The following IGF1 variants were observed in gnomAD, a reference collection of about 807,000 sequenced individuals.
IGF1 encodes insulin like growth factor 1.
Under a neutral mutation model 13.8 loss-of-function variants are expected in IGF1, and 4 were observed. The observed-to-expected ratio is 0.29, with a 90% CI of 0.14 to 0.66. The LOEUF (loss-of-function observed/expected upper bound fraction) is 0.66. IGF1 is among the 30% of genes least tolerant of loss of function. IGF1 has a pLI of 0.78. For synonymous variants in IGF1, 76 were observed against 72.6 expected (o/e 1.05, Z -0.23); for missense variants, 124 against 188.5 (o/e 0.66, Z 2.00).
Position 102,398,032 on chromosome 12 carries a change from A to G in IGF1, c.*4475T>C, listed in dbSNP as rs1873359012. 6.6e-6 allele frequency: 1 copy of G among 152,292 alleles called. No individual in the cohort carries two copies. The highest frequency in any genetic ancestry group is 1.5e-5 in the Non-Finnish European group (1 of 67,958). The allele number at this position is 152,292 out of a possible 1,614,324, so 9.4% of individuals were successfully genotyped here. On this transcript the variant is annotated 3_prime_UTR_variant, in exon 4 of 4. Coordinates refer to ENST00000337514, the MANE Select transcript of IGF1 (RefSeq NM_000618.5). Reference sequence around the variant, plus strand: ...TTCCTCATTCTGATATAAAAAAAGAAGAAAAGAACCAAGTCATTTTGAACA... The same window carrying G: ...TTCCTCATTCTGATATAAAAAAAGAGGAAAAGAACCAAGTCATTTTGAACA...
intron 1 of IGF1, 115 bp from the exon 2 acceptor site, chr12:102,475,914 A>G: frequency 9.0e-7 from 1 of 1,106,492 alleles, no homozygotes; most frequent in Admixed American, 2.0e-5. Flanking sequence ...AATCAGGACT[A>G]CCCAGCACAG....
chr12:102,478,586 T>A (rs1410214254), intron 1 of IGF1: 1 of 1,565,184 alleles, frequency 6.4e-7, no homozygotes, highest in Non-Finnish European at 8.7e-7. Flanking sequence ...CTTAAAAACA[T>A]GTGCTGCTTT....
upstream of IGF1, among the ~76,000 whole-genome samples, chr12:102,481,174 C>A (rs1234795976): frequency 6.6e-6 from 1 of 152,100 alleles, no homozygotes; most frequent in Non-Finnish European, 1.5e-5. Flanking sequence ...TTTTCTCCTG[C>A]GATGAGGCAA....
At chr12:102,424,944 T>G (rs1471182751) in intron 2 of IGF1, among the ~76,000 whole-genome samples, 1 of 152,228 alleles carries the variant, frequency 6.6e-6, no homozygotes, top group Non-Finnish European at 1.5e-5. Context: ...TATTGAGTTA[T>G]ACATTGTCAT....
chr12:102,457,103 G>A (rs935164375), intron 2 of IGF1, among the ~76,000 whole-genome samples: 10 of 152,132 alleles, frequency 6.6e-5, no homozygotes, highest in African/African-American at 2.2e-4. Flanking sequence ...GCTTTTCAGG[G>A]TGTCCAGGTC....
At chr12:102,426,310 A>T (rs898601257) in intron 2 of IGF1, among the ~76,000 whole-genome samples, 1 of 152,236 alleles carries the variant, frequency 6.6e-6, no homozygotes. Flanking sequence ...GACTGGCATG[A>T]AGATTAAGTG....
In IGF1 at chr12:102,475,701, G is replaced by T; in HGVS notation, c.162C>A (p.Cys54Ter). 6.2e-7 allele frequency: 1 copy of T among 1,614,168 alleles called. No individual in the cohort carries two copies. The highest frequency in any genetic ancestry group is 8.5e-7 in the Non-Finnish European group (1 of 1,180,042). ...GAAGAGCATCCACCAGCTCAGCCCC[G>T]CAGAGCGTCTCCGGTCCAGCCGTGG... ...SSATAGPETLCGAELVDALQF... is the reference protein window; with the variant it reads ...SSATAGPETL The change falls in exon 2 of 4, where the codon TGC becomes TGA. Residue 54 changes from cysteine (C) to a stop codon, truncating the protein, a stop_gained. Transcript: ENST00000337514. LOFTEE classifies it high-confidence loss of function.
intron 3 of IGF1, among the ~76,000 whole-genome samples, chr12:102,415,471 G>T (rs1025805435): frequency 6.6e-6 from 1 of 151,832 alleles, no homozygotes; most frequent in Non-Finnish European, 1.5e-5. Context: ...ATTCCGAAAA[G>T]AACTGTCTTA....
At chr12:102,441,953 T>TTCTTCTTCTTCTTTTCTTCTTCTTC (rs1555244154) in intron 2 of IGF1, among the ~76,000 whole-genome samples, 1 of 140,216 alleles carries the variant, frequency 7.1e-6, no homozygotes, top group African/African-American at 2.6e-5. Context: ...CTTCTTCTTC[T>TTCTTCTTCTTCTTTTCTTCTTCTTC]TCTTTTTTTT....
chr12:102,478,671 CTGCCTTT>C, intron 1 of IGF1: 1 of 1,370,782 alleles, frequency 7.3e-7, no homozygotes, highest in Non-Finnish European at 9.5e-7. Flanking sequence ...CCTGGGTAAA[CTGCCTTT>C]TGTCCATTGA....
chr12:102,480,290 A>G (rs767746808), intron 1 of IGF1, 29 bp downstream of exon 1: 2 of 1,599,894 alleles, frequency 1.3e-6, no homozygotes, highest in Admixed American at 1.7e-5. Flanking sequence ...AGAATTCCCC[A>G]ATGACTTCAA....
chr12:102,432,024 A>G (rs1876782972), intron 2 of IGF1, among the ~76,000 whole-genome samples: 2 of 152,228 alleles, frequency 1.3e-5, no homozygotes, highest in African/African-American at 4.8e-5. Context: ...ACACTGAAAT[A>G]GAGAAGTTTT....
intron 3 of IGF1, among the ~76,000 whole-genome samples, chr12:102,413,473 G>C (rs1315105700): frequency 6.6e-6 from 1 of 152,168 alleles, no homozygotes; most frequent in East Asian, 1.9e-4. Flanking sequence ...CTCTTTGGGA[G>C]CTCATTTCTT....
chr12:102,423,019 A>T (rs1565972980), intron 2 of IGF1: 1 of 152,190 alleles, frequency 6.6e-6, no homozygotes, highest in African/African-American at 2.4e-5. Flanking sequence ...TCCTAGCAGA[A>T]GATTCCTATG....
chr12:102,438,344 G>A (rs1877420548), intron 2 of IGF1, among the ~76,000 whole-genome samples: 1 of 152,150 alleles, frequency 6.6e-6, no homozygotes. Context: ...GGACACCTAA[G>A]GATCCAAGAG....
At chr12:102,459,454 T>C (rs1313967220) in intron 2 of IGF1, among the ~76,000 whole-genome samples, 15 of 151,766 alleles carry the variant, frequency 9.9e-5, no homozygotes, top group Admixed American at 3.3e-4. Context: ...AGGATCTAAA[T>C]AGTGATGGGA....
In IGF1 at chr12:102,409,822, T is replaced by C. The variant is rs1874478928; in HGVS notation, c.403-7256A>G. ...GAAGATTAAATGAGGTGATTCCCTA[T>C]AGCTCTTGCCACAGGGCAAGTACCT... On this transcript the variant is annotated intron_variant, in intron 3 of 3. Transcript: ENST00000337514. Among the ~76,000 whole-genome samples the C allele has an allele frequency of 2.0e-5, 3 of 152,258 alleles. No homozygotes were observed. The South Asian group carries it at 6.2e-4, about 31-fold the overall frequency.
At chr12:102,448,341 A>G (rs1878544441) in intron 2 of IGF1, among the ~76,000 whole-genome samples, 1 of 150,348 alleles carries the variant, frequency 6.7e-6, no homozygotes. Flanking sequence ...CACATACACC[A>G]TGGAATACTA....
At position 102,450,029 on chromosome 12, in the gene IGF1, C is replaced by T. The variant is rs139947955; in HGVS notation, c.220+25614G>A. 1.0e-3 allele frequency among the ~76,000 whole-genome samples: 157 copies of T among 152,208 alleles called. 1 individual carries two copies. The East Asian group carries it at 0.029, about 28-fold the overall frequency. On this transcript the variant is annotated intron_variant, in intron 2 of 3. Coordinates refer to ENST00000337514, the MANE Select transcript of IGF1 (RefSeq NM_000618.5). ...TAAACGTGAGGTTACGAGATGAAGA[C>T]TTCAAAAGTGTTTTATTAAAGTGAT...
Sources: gnomAD v4.1 joint callset for allele counts (sites outside exome capture counted in the v4.1 genomes callset) on GRCh38, gnomAD v4.1.1 for gene constraint, MANE v1.5 for transcripts, NCBI Gene and HGNC (gene_info 2026-07-23, HGNC 2026-07-21) for gene names.